Variants in MAP7 observed in about 807,000 individuals in gnomAD.
MAP7 encodes ensconsin.
In MAP7, 52 loss-of-function variants were observed where a neutral mutation model predicts 94.8. The ratio of observed to expected loss-of-function variants is 0.55; its 90% CI spans 0.44 to 0.69. The LOEUF (loss-of-function observed/expected upper bound fraction) is 0.69. MAP7 is among the 30% of genes least tolerant of loss of function. The pLI is 0.00. For synonymous variants in MAP7, 350 were observed against 357.0 expected (o/e 0.98, Z 0.22); for missense variants, 940 against 964.6 (o/e 0.97, Z 0.34).
chr6:136,411,831 A>C (rs1787576317), intron 2 of MAP7, 134 bp from the exon 3 acceptor site: 14 of 669,938 alleles, frequency 2.1e-5, no homozygotes, highest in Admixed American at 6.0e-5. Flanking sequence ...CAATAAGTAC[A>C]TGTGACTAGA....
chr6:136,543,770 G>T (rs1829509558), intron 1 of MAP7, among the ~76,000 whole-genome samples: 1 of 152,206 alleles, frequency 6.6e-6, no homozygotes, highest in Non-Finnish European at 1.5e-5. Context: ...TTAGGTGTAG[G>T]AAGAGAGTCT....
chr6:136,493,284 G>A (rs972547816), intron 1 of MAP7, among the ~76,000 whole-genome samples: 2 of 151,986 alleles, frequency 1.3e-5, no homozygotes, highest in Admixed American at 6.6e-5. Context: ...CACCACGTCT[G>A]GCTAATTTTT....
At chr6:136,530,452 A>G (rs1028556337) in intron 1 of MAP7, among the ~76,000 whole-genome samples, 4 of 152,250 alleles carry the variant, frequency 2.6e-5, no homozygotes, top group African/African-American at 9.6e-5. Flanking sequence ...ATTTACTTCT[A>G]GCAGGAGTTT....
intron 1 of MAP7, among the ~76,000 whole-genome samples, chr6:136,447,810 C>A (rs1039210506): frequency 6.6e-5 from 10 of 152,034 alleles, no homozygotes; most frequent in Non-Finnish European, 1.5e-4. Flanking sequence ...TGCTAAAATA[C>A]CATAATATTA....
chr6:136,404,054 CT>C (rs916840011), intron 3 of MAP7, among the ~76,000 whole-genome samples: 32 of 150,534 alleles, frequency 2.1e-4, no homozygotes, highest in Non-Finnish European at 2.8e-4. Context: ...CCTCTGACCC[CT>C]TTTTTTTTCC....
chr6:136,466,647 T>A, intron 1 of MAP7: 1 of 957,906 alleles, frequency 1.0e-6, no homozygotes, highest in Admixed American at 2.7e-5. Flanking sequence ...GATTTCCTAC[T>A]CTGTACTTCC....
At chr6:136,401,179 A>G (rs1245697190) in intron 3 of MAP7, among the ~76,000 whole-genome samples, 2 of 152,096 alleles carry the variant, frequency 1.3e-5, no homozygotes, top group African/African-American at 4.8e-5. Flanking sequence ...CAAGACCCCC[A>G]TCTCCACAAA....
At chr6:136,416,298 C>T (rs574237106) in intron 2 of MAP7, among the ~76,000 whole-genome samples, 46 of 152,200 alleles carry the variant, frequency 3.0e-4, no homozygotes, top group African/African-American at 1.1e-3. Flanking sequence ...TACCTGATAA[C>T]AGAGTAAACT....
At chr6:136,423,437 C>T (rs539705766) in intron 1 of MAP7, among the ~76,000 whole-genome samples, 3 of 152,274 alleles carry the variant, frequency 2.0e-5, no homozygotes, top group African/African-American at 7.2e-5. Flanking sequence ...GCTTCTAGTT[C>T]CTCAGGGATT....
chr6:136,360,018 A>G lies in MAP7; in HGVS notation c.1817T>C (p.Ile606Thr), dbSNP rs777347633. The G allele has an allele frequency of 1.9e-6, 3 of 1,613,112 alleles. No individual in the cohort carries two copies. Among genetic ancestry groups the G allele is most frequent in the Non-Finnish European group, 8.5e-7 (1 of 1,179,794 alleles). The change falls in exon 14 of 18, where the codon ATT (isoleucine) becomes ACT (threonine). Residue 606 changes from isoleucine to threonine, a missense_variant. Ile to Thr is a moderately conservative substitution (Grantham distance 89). Transcript: ENST00000354570. ...RLERKKRLEE[I>T]MKRTRRTEAT... ...TTCTGTTCTCCTGGTTCTTTTCATA[A>G]TCTCCTCAAGTCGCTATAGGAAAGG...
At chr6:136,450,858 GT>G (rs939481287) in intron 1 of MAP7, among the ~76,000 whole-genome samples, 54 of 152,190 alleles carry the variant, frequency 3.5e-4, no homozygotes, top group African/African-American at 1.3e-3. Flanking sequence ...TCAATGTTCT[GT>G]TTTTTGAAGG....
intron 1 of MAP7, among the ~76,000 whole-genome samples, chr6:136,499,697 A>T (rs1410823117): frequency 6.6e-6 from 1 of 152,108 alleles, no homozygotes; most frequent in African/African-American, 2.4e-5. Flanking sequence ...AACCTTTTAC[A>T]GTTTTAAAAA....
intron 1 of MAP7, among the ~76,000 whole-genome samples, chr6:136,444,350 G>A (rs1798714274): frequency 6.6e-6 from 1 of 152,220 alleles, no homozygotes; most frequent in East Asian, 1.9e-4. Context: ...CACCAAAGTT[G>A]AAAACCACTG....
At chr6:136,365,644 A>G in intron 10 of MAP7, 91 bp downstream of exon 10, 2 of 1,398,840 alleles carry the variant, frequency 1.4e-6, no homozygotes, top group Non-Finnish European at 1.9e-6. Flanking sequence ...AGTCTCCAAT[A>G]AAAGAAGAAA....
chr6:136,495,806 T>C (rs1026939703), intron 1 of MAP7, among the ~76,000 whole-genome samples: 1 of 152,170 alleles, frequency 6.6e-6, no homozygotes, highest in Admixed American at 6.5e-5. Flanking sequence ...GGAAATAACA[T>C]TTTCAAGTTT....
At chr6:136,535,737 CTTTTT>C (rs958095692) in intron 1 of MAP7, among the ~76,000 whole-genome samples, 1 of 146,840 alleles carries the variant, frequency 6.8e-6, no homozygotes, top group East Asian at 2.0e-4. Context: ...TATTTGTCAT[CTTTTT>C]TTTTCTTTTT....
chr6:136,522,036 C>G (rs1826531128), intron 1 of MAP7, among the ~76,000 whole-genome samples: 1 of 152,226 alleles, frequency 6.6e-6, no homozygotes, highest in African/African-American at 2.4e-5. Flanking sequence ...ACAGAGTGAG[C>G]ATTTAACAAA....
chr6:136,439,639 C>G (rs2128839327), intron 1 of MAP7, among the ~76,000 whole-genome samples: 1 of 152,262 alleles, frequency 6.6e-6, no homozygotes, highest in South Asian at 2.1e-4. Flanking sequence ...ATCTTACAAA[C>G]TGAAATGCAC....
chr6:136,422,653 T>C (rs1176474197), intron 1 of MAP7, among the ~76,000 whole-genome samples: 1 of 152,178 alleles, frequency 6.6e-6, no homozygotes, highest in Non-Finnish European at 1.5e-5. Flanking sequence ...AATTGATAGG[T>C]TAATTTTATT....
Sources: gnomAD v4.1 joint callset for allele counts (sites outside exome capture counted in the v4.1 genomes callset) on GRCh38, gnomAD v4.1.1 for gene constraint, MANE v1.5 for transcripts, NCBI Gene and HGNC (gene_info 2026-07-23, HGNC 2026-07-21) for gene names.